PKIB: variants seen among roughly 807,000 people sequenced by gnomAD.
PKIB encodes PKI-beta.
A neutral mutation model predicts 4.5 loss-of-function variants in PKIB; 2 were observed. That is an observed-to-expected ratio of 0.44 (90% CI 0.18 to 1.39). The LOEUF (loss-of-function observed/expected upper bound fraction) is 1.39, where lower values mean the gene tolerates loss of function less well. PKIB is among the 40% of genes most tolerant of loss of function. The probability of loss-of-function intolerance (pLI) is 0.27; values close to 1 mark genes in which losing one functional copy is unlikely to be tolerated. For missense variants in PKIB, 94 were observed against 92.6 expected (o/e 1.02, Z -0.06); for synonymous variants, 38 against 36.0 (o/e 1.06, Z -0.20).
intron 2 of PKIB, among the ~76,000 whole-genome samples, chr6:122,537,751 A>G (rs1483319389): frequency 1.3e-5 from 2 of 152,108 alleles, no homozygotes; most frequent in Non-Finnish European, 2.9e-5. Context: ...AGGAATCGCC[A>G]CACTGACTTC....
chr6:122,608,920 T>C (rs1032517810), upstream of PKIB, among the ~76,000 whole-genome samples: 1 of 152,054 alleles, frequency 6.6e-6, no homozygotes, highest in Non-Finnish European at 1.5e-5. Context: ...ATAGTACCTC[T>C]AAAATAAATA....
chr6:122,510,057 A>G (rs1340872989), intron 2 of PKIB, among the ~76,000 whole-genome samples: 1 of 152,094 alleles, frequency 6.6e-6, no homozygotes, highest in Non-Finnish European at 1.5e-5. Flanking sequence ...TTCAATTAAT[A>G]TCTTCTAACA....
chr6:122,505,853 A>G (rs1383042615), intron 2 of PKIB, among the ~76,000 whole-genome samples: 1 of 152,126 alleles, frequency 6.6e-6, no homozygotes, highest in Middle Eastern at 3.2e-3. Context: ...TTTAAATAAC[A>G]GTCTATATAA....
chr6:122,491,934 A>G (rs1417310421), intron 2 of PKIB, among the ~76,000 whole-genome samples: 2 of 152,208 alleles, frequency 1.3e-5, no homozygotes, highest in South Asian at 2.1e-4. Flanking sequence ...TTCTTTAGTT[A>G]TATGTTAGAA....
intron 2 of PKIB, chr6:122,531,034 G>A (rs919081521): frequency 1.3e-5 from 2 of 152,176 alleles, no homozygotes; most frequent in Non-Finnish European, 2.9e-5. Flanking sequence ...GAGGGAAGGA[G>A]AACTTTTAGC....
chr6:122,576,816 T>C (rs372080779), intron 2 of PKIB, among the ~76,000 whole-genome samples: 2 of 150,904 alleles, frequency 1.3e-5, no homozygotes. Flanking sequence ...ATATGTGTAT[T>C]ATCGCATGTG....
At chr6:122,507,749 T>C (rs551084618) in intron 2 of PKIB, among the ~76,000 whole-genome samples, 6 of 152,096 alleles carry the variant, frequency 3.9e-5, no homozygotes, top group East Asian at 1.9e-4. Context: ...TTGTTTTTTT[T>C]CTGGGGAAAT....
At chr6:122,723,980 G>A (rs1779842246) in intron 4 of PKIB, among the ~76,000 whole-genome samples, 1 of 152,134 alleles carries the variant, frequency 6.6e-6, no homozygotes, top group South Asian at 2.1e-4. Context: ...CGTAGTACAT[G>A]CTTAATAAAT....
At chr6:122,685,033 C>T (rs1778043069) in intron 3 of PKIB, among the ~76,000 whole-genome samples, 4 of 152,050 alleles carry the variant, frequency 2.6e-5, no homozygotes, top group Admixed American at 2.6e-4. Flanking sequence ...TAATTTTCTT[C>T]CAGCTGCTAA....
chr6:122,652,721 T>C (rs1244999345), intron 2 of PKIB: 1 of 152,174 alleles, frequency 6.6e-6, no homozygotes, highest in Non-Finnish European at 1.5e-5. Context: ...TCCACAAAGA[T>C]TGAAGCTAAT....
At chr6:122,491,084 G>A (rs943833234) in intron 2 of PKIB, among the ~76,000 whole-genome samples, 14 of 152,170 alleles carry the variant, frequency 9.2e-5, no homozygotes, top group African/African-American at 3.4e-4. Context: ...AAGCTTTACA[G>A]CGGGAAGAAA....
At chr6:122,573,353 C>T (rs1773427604) in intron 2 of PKIB, among the ~76,000 whole-genome samples, 1 of 151,626 alleles carries the variant, frequency 6.6e-6, no homozygotes, top group Non-Finnish European at 1.5e-5. Flanking sequence ...CATGGCAAGA[C>T]CCCATCTCTA....
intron 3 of PKIB, among the ~76,000 whole-genome samples, chr6:122,587,567 G>A (rs1473589347): frequency 6.6e-6 from 1 of 152,148 alleles, no homozygotes; most frequent in African/African-American, 2.4e-5. Flanking sequence ...GGGTCGAATG[G>A]TATTTCTAGT....
intron 3 of PKIB, among the ~76,000 whole-genome samples, chr6:122,594,352 G>A (rs539602280): frequency 1.4e-4 from 21 of 151,930 alleles, no homozygotes; most frequent in East Asian, 7.8e-4. Flanking sequence ...GATTACAGGC[G>A]TGCGCCACCA....
intron 2 of PKIB, among the ~76,000 whole-genome samples, chr6:122,647,344 C>CA (rs1562283853): frequency 6.6e-6 from 1 of 152,160 alleles, no homozygotes; most frequent in African/African-American, 2.4e-5. Flanking sequence ...CACACAAACA[C>CA]CTAGGTGAGT....
At chr6:122,566,569 A>G (rs1289745994) in intron 2 of PKIB, among the ~76,000 whole-genome samples, 1 of 152,078 alleles carries the variant, frequency 6.6e-6, no homozygotes, top group Admixed American at 6.6e-5. Context: ...ATAAAATAAT[A>G]TAGGCCTACT....
intron 2 of PKIB, among the ~76,000 whole-genome samples, chr6:122,489,331 T>G (rs950780674): frequency 6.6e-6 from 1 of 152,142 alleles, no homozygotes; most frequent in African/African-American, 2.4e-5. Flanking sequence ...CACTTCAACC[T>G]CTGCCTCCCA....
At chr6:122,662,304 TCTC>T (rs1381110072) in intron 2 of PKIB, among the ~76,000 whole-genome samples, 13 of 132,528 alleles carry the variant, frequency 9.8e-5, no homozygotes, top group African/African-American at 3.6e-4. Context: ...TCTTTCCTTG[TCTC>T]CTTTTTTTTT....
intron 3 of PKIB, among the ~76,000 whole-genome samples, chr6:122,694,367 G>T (rs1315143859): frequency 6.6e-6 from 1 of 152,126 alleles, no homozygotes; most frequent in Non-Finnish European, 1.5e-5. Context: ...CACTGTCCTG[G>T]TTTAAATGGC....
Sources: gnomAD v4.1 joint callset for allele counts (sites outside exome capture counted in the v4.1 genomes callset) on GRCh38, gnomAD v4.1.1 for gene constraint, MANE v1.5 for transcripts, NCBI Gene and HGNC (gene_info 2026-07-23, HGNC 2026-07-21) for gene names.